Variants in ATRNL1 observed in about 807,000 individuals in gnomAD.
ATRNL1 encodes attractin-like protein 1.
Under a neutral mutation model 182.7 loss-of-function variants are expected in ATRNL1, and 95 were observed. That is an observed-to-expected ratio of 0.52 (90% CI 0.44 to 0.62). The LOEUF (loss-of-function observed/expected upper bound fraction) is 0.62. ATRNL1 is among the 20% of genes least tolerant of loss of function. The pLI is 0.00. For missense variants in ATRNL1, 1,471 were observed against 1,679.5 expected, an observed-to-expected ratio of 0.88 and a Z score of 2.17; for synonymous variants, 576 against 568.3, an observed-to-expected ratio of 1.01 and a Z score of -0.19.
At chr10:115,903,502 C>T (rs1952414174) in intron 28 of ATRNL1, among the ~76,000 whole-genome samples, 1 of 152,176 alleles carries the variant, frequency 6.6e-6, no homozygotes, top group Admixed American at 6.5e-5. Context: ...ACTTTAATTG[C>T]TTCCTTTCTT....
At chr10:115,384,316 A>G (rs1858208015) in intron 19 of ATRNL1, among the ~76,000 whole-genome samples, 1 of 152,008 alleles carries the variant, frequency 6.6e-6, no homozygotes, top group Non-Finnish European at 1.5e-5. Context: ...AATCACTACC[A>G]CAATCAAGAT....
intron 27 of ATRNL1, among the ~76,000 whole-genome samples, chr10:115,751,355 A>G (rs1164186088): frequency 6.6e-6 from 1 of 152,076 alleles, no homozygotes; most frequent in African/African-American, 2.4e-5. Context: ...CCAGAACTGT[A>G]AGATAAGAAA....
chr10:115,229,481 T>A (rs1439315570), intron 9 of ATRNL1, among the ~76,000 whole-genome samples: 1 of 152,122 alleles, frequency 6.6e-6, no homozygotes, highest in Non-Finnish European at 1.5e-5. Flanking sequence ...GTTGGCTCTT[T>A]ATCAAGTCCT....
intron 10 of ATRNL1, among the ~76,000 whole-genome samples, chr10:115,242,611 T>A (rs1186230098): frequency 3.9e-5 from 6 of 152,128 alleles, no homozygotes; most frequent in Admixed American, 2.0e-4. Flanking sequence ...AGAAGTATAC[T>A]TTTTCTCTTA....
intron 26 of ATRNL1, among the ~76,000 whole-genome samples, chr10:115,652,665 A>G (rs1390793744): frequency 6.6e-6 from 1 of 152,034 alleles, no homozygotes; most frequent in East Asian, 1.9e-4. Flanking sequence ...TCGAGGTCTC[A>G]TATACTGTAA....
At chr10:115,928,447 C>T (rs1342376682) in intron 28 of ATRNL1, among the ~76,000 whole-genome samples, 3 of 151,948 alleles carry the variant, frequency 2.0e-5, no homozygotes, top group Admixed American at 1.3e-4. Flanking sequence ...CTTTTCCTTA[C>T]ATAAAATTCA....
intron 5 of ATRNL1, among the ~76,000 whole-genome samples, chr10:115,144,158 T>G (rs1172126952): frequency 6.6e-6 from 1 of 151,878 alleles, no homozygotes; most frequent in Non-Finnish European, 1.5e-5. Context: ...TTTTGTATTT[T>G]TTTTTTTGAG....
intron 19 of ATRNL1, among the ~76,000 whole-genome samples, chr10:115,349,047 T>G (rs1697494974): frequency 6.6e-6 from 1 of 152,188 alleles, no homozygotes; most frequent in African/African-American, 2.4e-5. Flanking sequence ...TGTGGAACAC[T>G]AGATCTTATT....
chr10:115,575,531 T>TAGTC (rs1555004886), intron 26 of ATRNL1, among the ~76,000 whole-genome samples: 1 of 152,182 alleles, frequency 6.6e-6, no homozygotes, highest in Non-Finnish European at 1.5e-5. Context: ...GTTCATCACG[T>TAGTC]AGTCATTTGC....
intron 8 of ATRNL1, among the ~76,000 whole-genome samples, chr10:115,214,320 A>G (rs1554895713): frequency 6.6e-6 from 1 of 151,626 alleles, no homozygotes; most frequent in East Asian, 1.9e-4. Flanking sequence ...ATATATATAT[A>G]TATATATAGT....
intron 14 of ATRNL1, 111 bp downstream of exon 14, chr10:115,281,598 A>G: frequency 9.4e-7 from 1 of 1,064,894 alleles, no homozygotes; most frequent in Middle Eastern, 2.3e-4. Context: ...GTCATAGTAA[A>G]TATCAACCTA....
At chr10:115,503,182 TA>T (rs1225604663) in intron 24 of ATRNL1, among the ~76,000 whole-genome samples, 4 of 151,428 alleles carry the variant, frequency 2.6e-5, no homozygotes, top group East Asian at 1.9e-4. Context: ...TAACCTTAAT[TA>T]AAAAAATTAA....
At chr10:115,541,070 CAA>C (rs1165664281) in intron 25 of ATRNL1, among the ~76,000 whole-genome samples, 1 of 152,034 alleles carries the variant, frequency 6.6e-6, no homozygotes, top group Non-Finnish European at 1.5e-5. Flanking sequence ...AATTAGACTA[CAA>C]AAAAACCTAA....
chr10:115,581,929 G>A (rs1275573663), intron 26 of ATRNL1, among the ~76,000 whole-genome samples: 1 of 126,264 alleles, frequency 7.9e-6, no homozygotes, highest in African/African-American at 3.1e-5. Context: ...AGAGTGTGAT[G>A]TTCCCCTTCC....
intron 26 of ATRNL1, among the ~76,000 whole-genome samples, chr10:115,582,121 C>T (rs1855137194): frequency 6.6e-6 from 1 of 151,974 alleles, no homozygotes; most frequent in Non-Finnish European, 1.5e-5. Flanking sequence ...ATGTGTGCCA[C>T]ATTTTCTTAA....
intron 9 of ATRNL1, among the ~76,000 whole-genome samples, chr10:115,216,713 C>G (rs988817625): frequency 2.0e-4 from 31 of 151,530 alleles, no homozygotes; most frequent in African/African-American, 7.5e-4. Context: ...AGTATACATT[C>G]TTTTAAACTT....
chr10:115,843,830 G>A (rs1950866278), intron 27 of ATRNL1, among the ~76,000 whole-genome samples: 1 of 152,008 alleles, frequency 6.6e-6, no homozygotes, highest in African/African-American at 2.4e-5. Context: ...GGATAAGTCA[G>A]TCTTCCTACC....
chr10:115,146,268 C>T (rs1845966384), intron 5 of ATRNL1, among the ~76,000 whole-genome samples: 1 of 151,938 alleles, frequency 6.6e-6, no homozygotes, highest in Admixed American at 6.6e-5. Flanking sequence ...AGGGTATGAG[C>T]CAAAATTACA....
At chr10:115,494,438 A>G (rs1305578773) in intron 24 of ATRNL1, among the ~76,000 whole-genome samples, 1 of 152,088 alleles carries the variant, frequency 6.6e-6, no homozygotes, top group Admixed American at 6.6e-5. Flanking sequence ...TGCTGCTATT[A>G]ATAGCTTTTG....
Sources: gnomAD v4.1 joint callset for allele counts (sites outside exome capture counted in the v4.1 genomes callset) on GRCh38, gnomAD v4.1.1 for gene constraint, MANE v1.5 for transcripts, NCBI Gene and HGNC (gene_info 2026-07-23, HGNC 2026-07-21) for gene names.